Variants in ATP10D observed in about 807,000 individuals in gnomAD.
The protein encoded by ATP10D is ATPase phospholipid transporting 10D (putative).
Under a neutral mutation model 144.8 loss-of-function variants are expected in ATP10D, and 89 were observed. That is an observed-to-expected ratio of 0.61 (90% CI 0.52 to 0.73). The LOEUF (loss-of-function observed/expected upper bound fraction) is 0.73, where lower values mean the gene tolerates loss of function less well. ATP10D is among the 30% of genes least tolerant of loss of function. The pLI, the probability that ATP10D is intolerant of heterozygous loss-of-function variation, is 0.00. For missense variants in ATP10D, 1,603 were observed against 1,714.8 expected, an observed-to-expected ratio of 0.93 and a Z score of 1.15; for synonymous variants, 571 against 615.1, an observed-to-expected ratio of 0.93 and a Z score of 1.06.
In ATP10D at chr4:47,528,493, GTGTGTGTGTGTGTGTGTGTGTATA is replaced by G. The variant is rs1198440559; in HGVS notation, c.776+2853_776+2876del. 4.8e-3 allele frequency among the ~76,000 whole-genome samples: 472 copies of G among 97,818 alleles called. 7 individuals are homozygous for G. Among genetic ancestry groups the G allele is most frequent in the South Asian group, 0.033 (94 of 2,808 alleles). The allele number at this position is 97,818 out of a possible 152,430, so 64.2% of individuals were successfully genotyped here. On this transcript the variant is annotated intron_variant, in intron 5 of 22. Coordinates refer to ENST00000273859, the MANE Select transcript of ATP10D (RefSeq NM_020453.4). ...TGTGTGTGTGTGTGTGTGTGTGTGT[GTGTGTGTGTGTGTGTGTGTGTATA>G]TATATATATATACACACCACATTGT... is the stretch of plus-strand genomic sequence containing the variant.
intron 10 of ATP10D, among the ~76,000 whole-genome samples, chr4:47,550,090 T>G (rs1718655714): frequency 6.6e-6 from 1 of 151,916 alleles, no homozygotes; most frequent in Admixed American, 6.5e-5. Flanking sequence ...TAGAGTGGCA[T>G]CCAGCAATGA....
chr4:47,564,775 T>G (rs1719514266), intron 15 of ATP10D, among the ~76,000 whole-genome samples: 1 of 152,142 alleles, frequency 6.6e-6, no homozygotes, highest in Non-Finnish European at 1.5e-5. Flanking sequence ...CCTCCAAGAT[T>G]TGTGCACATT....
intron 21 of ATP10D, among the ~76,000 whole-genome samples, chr4:47,584,536 G>A (rs1720689009): frequency 6.6e-6 from 1 of 151,980 alleles, no homozygotes; most frequent in Admixed American, 6.6e-5. Context: ...GGGACTACAG[G>A]CGCCCACCAC....
chr4:47,590,139 A>C (rs957732682), intron 22 of ATP10D, among the ~76,000 whole-genome samples: 7 of 152,118 alleles, frequency 4.6e-5, no homozygotes, highest in Non-Finnish European at 8.8e-5. Flanking sequence ...AAATTAGCTA[A>C]ATTGTGTTCT....
In ATP10D at chr4:47,576,835, T is replaced by C. The variant is rs150868549; in HGVS notation, c.3429T>C (p.Thr1143=). The change falls in exon 19 of 23, where the codon ACT becomes ACC. Residue 1143 remains threonine (T), a synonymous_variant. Coordinates refer to ENST00000273859, the MANE Select transcript of ATP10D (RefSeq NM_020453.4). ...FFCGFSGTSM[T]DYWVLIFFNL... is the part of the protein sequence containing the mutation. ...GTGGATTTTCAGGAACATCCATGAC[T>C]GATTACTGGGTTTTGATCTTCTTCA... The C allele has an allele frequency of 4.4e-4, 712 of 1,614,200 alleles. No homozygotes were observed. The African/African-American group carries it at 8.3e-3, about 19-fold the overall frequency.
At chr4:47,580,242 C>T (rs1314505890) in intron 19 of ATP10D, among the ~76,000 whole-genome samples, 156 bp from the exon 20 acceptor site, 1 of 152,208 alleles carries the variant, frequency 6.6e-6, no homozygotes, top group Non-Finnish European at 1.5e-5. Flanking sequence ...GAACCCATCA[C>T]ATTCAGTTAC....
intron 1 of ATP10D, among the ~76,000 whole-genome samples, chr4:47,504,033 A>T (rs531211744): frequency 6.6e-6 from 1 of 152,256 alleles, no homozygotes; most frequent in African/African-American, 2.4e-5. Flanking sequence ...CCTACTGGGG[A>T]TTTAGTTCAA....
intron 10 of ATP10D, among the ~76,000 whole-genome samples, chr4:47,552,655 A>G (rs1718785037): frequency 6.6e-6 from 1 of 152,248 alleles, no homozygotes. Context: ...CGTAGTAAAT[A>G]GCATTTGTCA....
rs143517191 is a variant in ATP10D at position 47,504,624 on chromosome 4, G to A, written c.-37-7880G>A. ...GTGGCCCAGGCTGGAGTGCAGTGGC[G>A]TGATCTCGGCTCACTGCAAGCTCCG... On this transcript the variant is annotated intron_variant, in intron 1 of 22. Transcript: ENST00000273859. Among the ~76,000 whole-genome samples, 33 of 152,006 alleles carry A rather than the reference G, an allele frequency of 2.2e-4. 1 individual carries two copies. Among genetic ancestry groups the A allele is most frequent in the African/African-American group, 7.5e-4 (31 of 41,452 alleles).
intron 14 of ATP10D, among the ~76,000 whole-genome samples, chr4:47,562,346 A>G (rs1424262894): frequency 6.6e-6 from 1 of 152,198 alleles, no homozygotes; most frequent in Non-Finnish European, 1.5e-5. Context: ...TCTTACTGGC[A>G]GGAGCATTCT....
At chr4:47,555,382 T>C (rs1718931525) in intron 11 of ATP10D, among the ~76,000 whole-genome samples, 1 of 152,226 alleles carries the variant, frequency 6.6e-6, no homozygotes, top group Non-Finnish European at 1.5e-5. Flanking sequence ...AACTGGTCCC[T>C]GGTGCCAAAA....
chr4:47,526,691 A>G (rs1717262948), intron 5 of ATP10D, among the ~76,000 whole-genome samples: 1 of 152,226 alleles, frequency 6.6e-6, no homozygotes, highest in Non-Finnish European at 1.5e-5. Flanking sequence ...CAAGATCCAG[A>G]TACAAAAATC....
chr4:47,554,780 C>T lies in ATP10D; in HGVS notation c.1690C>T (p.Pro564Ser). ...RLLDKFSQIT[P>S]RLFMPLDETI... ...TTTAGACAAATTTAGTCAGATTACA[C>T]CTCGGCTCTTTATGCCACTAGATGA... The change falls in exon 11 of 23, where the codon CCT (proline) becomes TCT (serine). Residue 564 changes from proline (P) to serine (S), a missense_variant. Physicochemically the swap from Pro to Ser is moderately conservative, Grantham distance 74. Transcript: ENST00000273859. 1 of 1,614,068 alleles carries T rather than the reference C, an allele frequency of 6.2e-7. No individual in the cohort carries two copies. The highest frequency in any genetic ancestry group is 8.5e-7 in the Non-Finnish European group (1 of 1,179,972).
chr4:47,551,684 C>T (rs1202127195), intron 10 of ATP10D, among the ~76,000 whole-genome samples: 1 of 152,176 alleles, frequency 6.6e-6, no homozygotes, highest in Non-Finnish European at 1.5e-5. Flanking sequence ...GGAGAGATTC[C>T]ATACCTATGT....
At chr4:47,518,503 G>A (rs550198176) in intron 3 of ATP10D, among the ~76,000 whole-genome samples, 9 of 152,230 alleles carry the variant, frequency 5.9e-5, no homozygotes, top group Admixed American at 1.3e-4. Context: ...CTGCTATGTG[G>A]TAAGCACTGA....
Position 47,587,002 on chromosome 4 carries a change from C to G in ATP10D, c.3754-17C>G, listed in dbSNP as rs760332241. 2 of 1,611,750 alleles carry G rather than the reference C, an allele frequency of 1.2e-6. No homozygotes were observed. The highest frequency in any genetic ancestry group is 3.3e-5 in the Admixed American group (2 of 59,958). ...AGTGACAGAGCATTCATTTCCTCTGCTCTTCTTGTCTTACAGACTTGGATT... is the reference window on the plus strand; with the variant it reads ...AGTGACAGAGCATTCATTTCCTCTGGTCTTCTTGTCTTACAGACTTGGATT... On this transcript the variant is annotated splice_polypyrimidine_tract_variant and intron_variant, in intron 21 of 22. Transcript: ENST00000273859.
intron 11 of ATP10D, among the ~76,000 whole-genome samples, chr4:47,555,373 A>T (rs1440019903): frequency 6.6e-6 from 1 of 152,212 alleles, no homozygotes; most frequent in East Asian, 1.9e-4. Context: ...TCTTCACAAA[A>T]CTGGTCCCTG....
chr4:47,569,711 T>C (rs1473927824), intron 16 of ATP10D, among the ~76,000 whole-genome samples: 1 of 152,152 alleles, frequency 6.6e-6, no homozygotes, highest in Non-Finnish European at 1.5e-5. Context: ...TAAAGTGGAA[T>C]GAGGACACGT....
At chr4:47,544,750 A>AT (rs748263981) in intron 9 of ATP10D, among the ~76,000 whole-genome samples, 3 of 152,284 alleles carry the variant, frequency 2.0e-5, no homozygotes, top group Admixed American at 6.5e-5. Context: ...AAAAACTATT[A>AT]CAAAAAAATA....
Sources: gnomAD v4.1 joint callset for allele counts (sites outside exome capture counted in the v4.1 genomes callset) on GRCh38, gnomAD v4.1.1 for gene constraint, MANE v1.5 for transcripts, NCBI Gene and HGNC (gene_info 2026-07-23, HGNC 2026-07-21) for gene names.